Variants in MTAP observed in about 807,000 individuals in gnomAD.
MTAP encodes the protein S-methyl-5'-thioadenosine phosphorylase.
Under a neutral mutation model 33.6 loss-of-function variants are expected in MTAP, and 33 were observed. That is an observed-to-expected ratio of 0.98 (90% CI 0.74 to 1.31). The LOEUF is 1.31. MTAP is among the 40% of genes most tolerant of loss of function. The pLI, the probability that MTAP is intolerant of heterozygous loss-of-function variation, is 0.00. For synonymous variants in MTAP, 148 were observed against 125.7 expected, an observed-to-expected ratio of 1.18 and a Z score of -1.19; for missense variants, 367 against 360.0, an observed-to-expected ratio of 1.02 and a Z score of -0.16.
chr9:21,891,536 TAA>T (rs1818200812), intron 1 of MTAP, among the ~76,000 whole-genome samples: 1 of 151,952 alleles, frequency 6.6e-6, no homozygotes, highest in African/African-American at 2.4e-5. Flanking sequence ...GCTATGGAAA[TAA>T]ACTCAGAGCT....
In MTAP at chr9:21,859,554, C is replaced by T. The variant is rs979074370; in HGVS notation, c.813+129C>T. 13 of 1,053,630 alleles carry T rather than the reference C, an allele frequency of 1.2e-5. No individual in the cohort carries two copies. The African/African-American group carries it at 2.0e-4, about 16-fold the overall frequency. The allele number at this position is 1,053,630 out of a possible 1,614,324, so 65.3% of individuals were successfully genotyped here. ...AGATGTTTTCAACAAGTTTTTGTGA[C>T]ATCTACTACTACCATACCAACCACT... On this transcript the variant is annotated intron_variant, in intron 7 of 7. Coordinates refer to ENST00000644715, the MANE Select transcript of MTAP (RefSeq NM_002451.4).
rs1039644456 is a variant in MTAP at position 21,864,561 on chromosome 9, G to C, written c.*2547G>C. On this transcript the variant is annotated 3_prime_UTR_variant, in exon 8 of 8. Coordinates refer to ENST00000644715, the MANE Select transcript of MTAP (RefSeq NM_002451.4). ...ATTTGGCATGGATTTTCATGGTTTTGAGAATGACATCCTGGCCCTGTGGTC... is the reference window on the plus strand; with the variant it reads ...ATTTGGCATGGATTTTCATGGTTTTCAGAATGACATCCTGGCCCTGTGGTC... The C allele has an allele frequency of 1.1e-5, 11 of 985,336 alleles. No homozygotes were observed. In the Admixed American group the frequency reaches 2.5e-4, roughly 22 times the overall value. 61.0% of individuals were successfully genotyped at this position (985,336 alleles called of 1,614,324 possible). A position where few individuals can be genotyped will look rare whatever the true frequency, so the allele number is the denominator to read the frequency against.
rs533784515 is a variant in MTAP at position 21,881,944 on chromosome 9, TAAG to T, written c.147+27079_147+27081del. Reference sequence around the variant, plus strand: ...ACACCCATATTCATAGCAGCATTATTAAGAAGAGCCAAGAGATGGATGTTCATC... The same window carrying T: ...ACACCCATATTCATAGCAGCATTATTAAGAGCCAAGAGATGGATGTTCATC... On this transcript the variant is annotated intron_variant, in intron 1 of 1. Transcript: ENST00000577563. Among the ~76,000 whole-genome samples the T allele has an allele frequency of 1.2e-4, 19 of 152,154 alleles. 1 individual carries two copies. The South Asian group carries it at 3.9e-3, about 32-fold the overall frequency.
chr9:21,839,924 A>G (rs1825201295), intron 5 of MTAP, among the ~76,000 whole-genome samples: 1 of 152,226 alleles, frequency 6.6e-6, no homozygotes, highest in Non-Finnish European at 1.5e-5. Context: ...AACAGGGAAG[A>G]TGGCAGATAA....
chr9:21,833,372 A>G (rs1825020944), intron 4 of MTAP, among the ~76,000 whole-genome samples: 1 of 152,114 alleles, frequency 6.6e-6, no homozygotes, highest in Non-Finnish European at 1.5e-5. Flanking sequence ...TTTTGTAGAG[A>G]CAGGGTTTCA....
intron 5 of MTAP, among the ~76,000 whole-genome samples, chr9:21,844,858 C>T (rs917078718): frequency 6.6e-6 from 1 of 152,088 alleles, no homozygotes; most frequent in African/African-American, 2.4e-5. Flanking sequence ...GGTGAAACCC[C>T]ATCTCTACTA....
intron 2 of MTAP, 144 bp downstream of exon 2, chr9:21,815,663 T>A: frequency 1.5e-6 from 1 of 662,548 alleles, no homozygotes; most frequent in Admixed American, 3.0e-5. Flanking sequence ...GGGCCAGAAG[T>A]TCTGCTGTTG....
chr9:21,819,362 T>A (rs1824571301), intron 4 of MTAP, among the ~76,000 whole-genome samples: 1 of 152,190 alleles, frequency 6.6e-6, no homozygotes, highest in African/African-American at 2.4e-5. Context: ...CATTGTTCAG[T>A]TCCCACCTAT....
At chr9:21,888,737 C>G (rs1004245458) in intron 1 of MTAP, among the ~76,000 whole-genome samples, 2 of 152,056 alleles carry the variant, frequency 1.3e-5, no homozygotes, top group Non-Finnish European at 2.9e-5. Flanking sequence ...CTCTTGAAGA[C>G]TTATTTTCCT....
chr9:21,845,341 A>C (rs1366570230), intron 5 of MTAP, among the ~76,000 whole-genome samples: 1 of 152,224 alleles, frequency 6.6e-6, no homozygotes, highest in Non-Finnish European at 1.5e-5. Context: ...CAAGATGCAA[A>C]ATCAATATAC....
At chr9:21,891,089 A>G (rs1818194112) in intron 1 of MTAP, among the ~76,000 whole-genome samples, 1 of 152,234 alleles carries the variant, frequency 6.6e-6, no homozygotes, top group Non-Finnish European at 1.5e-5. Context: ...TTATCTGGCC[A>G]TAGTCAAACC....
At chr9:21,904,700 T>C (rs553292499) in intron 1 of MTAP, among the ~76,000 whole-genome samples, 5 of 152,318 alleles carry the variant, frequency 3.3e-5, no homozygotes, top group Middle Eastern at 3.4e-3. Flanking sequence ...GTTTTAGTTG[T>C]TGTTGCTGAT....
chr9:21,854,979 A>G, intron 6 of MTAP, 109 bp downstream of exon 6: 25 of 1,417,018 alleles, frequency 1.8e-5, no homozygotes, highest in Non-Finnish European at 2.4e-5. Context: ...CCTTTCTACA[A>G]GGTTTTGAAG....
intron 5 of MTAP, among the ~76,000 whole-genome samples, chr9:21,843,455 C>A (rs1017506860): frequency 1.3e-5 from 2 of 152,128 alleles, no homozygotes; most frequent in Non-Finnish European, 2.9e-5. Flanking sequence ...AATATACATT[C>A]TTTTCATCAG....
intron 5 of MTAP, among the ~76,000 whole-genome samples, chr9:21,847,963 G>T (rs1382751980): frequency 2.0e-5 from 3 of 152,162 alleles, no homozygotes; most frequent in African/African-American, 7.2e-5. Flanking sequence ...TGTGTGGGAG[G>T]ACCCTGATGA....
intron 1 of MTAP, among the ~76,000 whole-genome samples, chr9:21,916,187 A>G (rs1228348772): frequency 5.3e-5 from 8 of 152,086 alleles, no homozygotes; most frequent in Non-Finnish European, 1.5e-5. Context: ...TCCCTCCAAA[A>G]TTCATGTATA....
chr9:21,915,055 C>CTTTCTTT (rs1491435938), intron 1 of MTAP, among the ~76,000 whole-genome samples: 2 of 25,888 alleles, frequency 7.7e-5, no homozygotes, highest in African/African-American at 3.4e-4. Context: ...TTCCTTCCTT[C>CTTTCTTT]CTTTCTTTCT....
At chr9:21,884,447 C>G (rs1818074100) in intron 1 of MTAP, among the ~76,000 whole-genome samples, 1 of 152,108 alleles carries the variant, frequency 6.6e-6, no homozygotes, top group Non-Finnish European at 1.5e-5. Flanking sequence ...TGGAAAAAAG[C>G]AAGACACTGT....
intron 1 of MTAP, among the ~76,000 whole-genome samples, chr9:21,878,850 TG>T (rs1369539506): frequency 1.3e-5 from 2 of 152,366 alleles, no homozygotes; most frequent in Non-Finnish European, 2.9e-5. Context: ...TTAATTTCTA[TG>T]TAATTGCATG....
Sources: allele counts gnomAD v4.1 joint callset (sites outside exome capture counted in the v4.1 genomes callset), GRCh38; gene constraint gnomAD v4.1.1; transcripts MANE v1.5; gene names NCBI Gene and HGNC (gene_info 2026-07-23, HGNC 2026-07-21).